The following TSHZ2 variants were observed in gnomAD, a reference collection of about 807,000 sequenced individuals.
TSHZ2 encodes the protein teashirt homolog 2.
A neutral mutation model predicts 74.4 loss-of-function variants in TSHZ2; 21 were observed. The ratio of observed to expected loss-of-function variants is 0.28; its 90% CI spans 0.20 to 0.41. The LOEUF is 0.41. Ranked by LOEUF, TSHZ2 falls within the 10% of genes least tolerant of loss-of-function variation. TSHZ2 has a pLI of 1.00. For synonymous variants in TSHZ2, 540 were observed against 515.3 expected, an observed-to-expected ratio of 1.05 and a Z score of -0.65; for missense variants, 1,244 against 1,293.5, an observed-to-expected ratio of 0.96 and a Z score of 0.59.
At chr20:53,159,634 G>T (rs576384815) in intron 1 of TSHZ2, among the ~76,000 whole-genome samples, 16 of 149,538 alleles carry the variant, frequency 1.1e-4, no homozygotes, top group Admixed American at 6.0e-4. Context: ...TTCAATGAAT[G>T]ATTTAAAAAA....
chr20:53,172,664 G>T (rs1272861138), intron 1 of TSHZ2, among the ~76,000 whole-genome samples: 2 of 152,194 alleles, frequency 1.3e-5, no homozygotes, highest in African/African-American at 4.8e-5. Context: ...ATCCTGTGAG[G>T]TGAGTACTAT....
chr20:53,161,644 T>C (rs535383966), intron 1 of TSHZ2, among the ~76,000 whole-genome samples: 14 of 152,238 alleles, frequency 9.2e-5, no homozygotes, highest in Admixed American at 6.5e-5. Context: ...CAAACACTTA[T>C]AAACCCATCA....
rs1985426095 is a variant in TSHZ2, at chr20:53,462,950, C to T, written c.*9-24194C>T. ...CCTTCTGCATAATGGTCATGCTGAT[C>T]ATCCCCATCTCCCTTTTGTTGTGGG... On this transcript the variant is annotated intron_variant, in intron 2 of 2. Coordinates refer to ENST00000371497, the MANE Select transcript of TSHZ2 (RefSeq NM_173485.6). Among the ~76,000 whole-genome samples the T allele has an allele frequency of 2.0e-5, 3 of 152,318 alleles. No individual in the cohort carries two copies. In the South Asian group the frequency reaches 6.2e-4, roughly 32 times the overall value.
At chr20:53,154,755 T>C (rs1382353691) in intron 1 of TSHZ2, among the ~76,000 whole-genome samples, 1 of 152,162 alleles carries the variant, frequency 6.6e-6, no homozygotes, top group Middle Eastern at 3.2e-3. Context: ...ATCTATAAAG[T>C]GAGTATAGAA....
At chr20:53,122,563 A>G (rs777768047) in intron 1 of TSHZ2, among the ~76,000 whole-genome samples, 2 of 152,174 alleles carry the variant, frequency 1.3e-5, no homozygotes, top group Non-Finnish European at 2.9e-5. Context: ...AAAGTACTCC[A>G]GCCCAAGGTG....
Position 53,494,530 on chromosome 20 carries a change from T to A in TSHZ2, c.*7395T>A, listed in dbSNP as rs1398545140. ...ATTGAAATTATCTGTAGAAGGGGAATTTTTTTTAAAAATACAATTTTATCA... is the reference window on the plus strand; with the variant it reads ...ATTGAAATTATCTGTAGAAGGGGAAATTTTTTTAAAAATACAATTTTATCA... On this transcript the variant is annotated 3_prime_UTR_variant, in exon 3 of 3. Coordinates refer to ENST00000371497, the MANE Select transcript of TSHZ2 (RefSeq NM_173485.6). 1.3e-5 allele frequency: 2 copies of A among 152,080 alleles called. No individual in the cohort carries two copies. The highest frequency in any genetic ancestry group is 2.9e-5 in the Non-Finnish European group (2 of 68,018). The allele number at this position is 152,080 out of a possible 1,614,324, so 9.4% of individuals were successfully genotyped here. A position where few individuals can be genotyped will look rare whatever the true frequency, so the allele number is the denominator to read the frequency against.
intron 1 of TSHZ2, among the ~76,000 whole-genome samples, chr20:53,078,731 G>A (rs1985442393): frequency 6.6e-6 from 1 of 152,268 alleles, no homozygotes; most frequent in East Asian, 1.9e-4. Flanking sequence ...AGAGAAGTGG[G>A]TGGATTGAGA....
At chr20:53,036,094 A>G (rs1219041389) in intron 1 of TSHZ2, among the ~76,000 whole-genome samples, 2 of 152,200 alleles carry the variant, frequency 1.3e-5, no homozygotes, top group Non-Finnish European at 2.9e-5. Context: ...CTTCTCGACC[A>G]CAGAAAAAGG....
At chr20:53,468,688 C>CAAAAAAAA (rs1158529552) in intron 2 of TSHZ2, among the ~76,000 whole-genome samples, 8 of 65,376 alleles carry the variant, frequency 1.2e-4, no homozygotes, top group East Asian at 5.3e-4. Flanking sequence ...CATTACGAGA[C>CAAAAAAAA]AAAAAAAAAA....
intron 1 of TSHZ2, among the ~76,000 whole-genome samples, chr20:53,220,396 A>C (rs1989526383): frequency 6.6e-6 from 1 of 152,256 alleles, no homozygotes; most frequent in Non-Finnish European, 1.5e-5. Flanking sequence ...CCTCACATCT[A>C]TTGAAAGCTC....
intron 1 of TSHZ2, among the ~76,000 whole-genome samples, chr20:53,151,193 G>A (rs1355252218): frequency 6.6e-6 from 1 of 152,156 alleles, no homozygotes; most frequent in Non-Finnish European, 1.5e-5. Flanking sequence ...AGATAGAATT[G>A]GGAGCTGGGT....
At chr20:53,318,985 T>G (rs921559178) in intron 2 of TSHZ2, among the ~76,000 whole-genome samples, 1 of 152,128 alleles carries the variant, frequency 6.6e-6, no homozygotes, top group Admixed American at 6.5e-5. Context: ...GAAACTGCCC[T>G]TTATAAAACC....
intron 2 of TSHZ2, among the ~76,000 whole-genome samples, chr20:53,271,852 T>G (rs1455002576): frequency 6.6e-6 from 1 of 152,152 alleles, no homozygotes; most frequent in African/African-American, 2.4e-5. Context: ...AACAGACAGG[T>G]GGCTGGTGGA....
At chr20:53,446,020 C>T (rs1984530143) in intron 2 of TSHZ2, among the ~76,000 whole-genome samples, 1 of 152,150 alleles carries the variant, frequency 6.6e-6, no homozygotes, top group Non-Finnish European at 1.5e-5. Flanking sequence ...GTGGTAGATG[C>T]ACCAACAACC....
intron 1 of TSHZ2, among the ~76,000 whole-genome samples, chr20:53,115,492 T>C (rs963046923): frequency 2.0e-5 from 3 of 152,226 alleles, no homozygotes; most frequent in African/African-American, 7.2e-5. Context: ...TCCACCATGA[T>C]TGTGAGGCCT....
intron 2 of TSHZ2, among the ~76,000 whole-genome samples, chr20:53,441,930 C>T (rs1402080908): frequency 6.6e-6 from 1 of 152,122 alleles, no homozygotes; most frequent in Non-Finnish European, 1.5e-5. Context: ...CACTCGAGGG[C>T]TGTGCAGAAA....
intron 1 of TSHZ2, among the ~76,000 whole-genome samples, chr20:52,990,697 A>G (rs1000528837): frequency 1.3e-5 from 2 of 152,190 alleles, no homozygotes; most frequent in African/African-American, 4.8e-5. Context: ...GCAATTTAAC[A>G]CTTTAAGCAG....
chr20:53,180,672 C>T (rs746693974), intron 1 of TSHZ2, among the ~76,000 whole-genome samples: 3 of 152,090 alleles, frequency 2.0e-5, no homozygotes, highest in Non-Finnish European at 4.4e-5. Context: ...AGGAGCACAC[C>T]ATTCGGGTGA....
At chr20:53,143,521 G>A (rs544707985) in intron 1 of TSHZ2, among the ~76,000 whole-genome samples, 19 of 152,070 alleles carry the variant, frequency 1.2e-4, no homozygotes, top group East Asian at 1.2e-3. Context: ...GTGAAACCCC[G>A]TCTCTACTAA....
Sources: allele counts gnomAD v4.1 joint callset (sites outside exome capture counted in the v4.1 genomes callset), GRCh38; gene constraint gnomAD v4.1.1; transcripts MANE v1.5; gene names NCBI Gene and HGNC (gene_info 2026-07-23, HGNC 2026-07-21).